GNAQ: variants seen among roughly 807,000 people sequenced by gnomAD.
The protein encoded by GNAQ is G protein subunit alpha q, also known as guanine nucleotide-binding protein G(q) subunit alpha.
Under a neutral mutation model 43.9 loss-of-function variants are expected in GNAQ, and 8 were observed. The observed-to-expected ratio is 0.18, with a 90% CI of 0.11 to 0.33. The LOEUF is 0.33. GNAQ is among the 10% of genes least tolerant of loss of function. GNAQ has a pLI of 1.00. For synonymous variants in GNAQ, 155 were observed against 170.7 expected (o/e 0.91, Z 0.71); for missense variants, 158 against 450.8 (o/e 0.35, Z 5.88).
At chr9:77,735,978 G>A (rs920456846) in intron 5 of GNAQ, among the ~76,000 whole-genome samples, 5 of 152,188 alleles carry the variant, frequency 3.3e-5, no homozygotes, top group African/African-American at 1.2e-4. Flanking sequence ...TGAGCACACA[G>A]TAGCCTTCTA....
intron 2 of GNAQ, among the ~76,000 whole-genome samples, chr9:77,839,758 G>T (rs1377450625): frequency 6.6e-6 from 1 of 152,226 alleles, no homozygotes; most frequent in Admixed American, 6.5e-5. Context: ...TTAAATTTAG[G>T]TGGGTGGAAG....
At chr9:77,938,169 G>T (rs958391464) in intron 1 of GNAQ, among the ~76,000 whole-genome samples, 1 of 152,090 alleles carries the variant, frequency 6.6e-6, no homozygotes, top group Non-Finnish European at 1.5e-5. Flanking sequence ...TAAATGCTAT[G>T]TTAATAGTTG....
At chr9:77,827,951 T>C (rs932831834) in intron 2 of GNAQ, among the ~76,000 whole-genome samples, 1 of 149,624 alleles carries the variant, frequency 6.7e-6, no homozygotes, top group African/African-American at 2.5e-5. Context: ...TCCCAGCTAC[T>C]TGGGAGGCTG....
chr9:77,766,446 A>G (rs1826137684), intron 5 of GNAQ, among the ~76,000 whole-genome samples: 1 of 152,254 alleles, frequency 6.6e-6, no homozygotes, highest in Non-Finnish European at 1.5e-5. Context: ...TACTTTTAAG[A>G]ATCCAGGAGA....
At chr9:77,732,305 CCCT>C (rs1825506046) in intron 5 of GNAQ, among the ~76,000 whole-genome samples, 1 of 152,016 alleles carries the variant, frequency 6.6e-6, no homozygotes, top group Non-Finnish European at 1.5e-5. Flanking sequence ...GGTAATCACG[CCCT>C]CTTTTTGGGG....
Position 77,843,505 on chromosome 9 carries a change from C to T in GNAQ, c.322-27735G>A, listed in dbSNP as rs143511289. Among the ~76,000 whole-genome samples the T allele has an allele frequency of 2.0e-3, 310 of 152,252 alleles. 1 individual carries two copies. Among genetic ancestry groups the T allele is most frequent in the African/African-American group, 6.9e-3 (287 of 41,544 alleles). ...GTGATGATTTATTGTTTATGGAGGG[C>T]ATGCCAGGTGTCAGTCTTCCTAGAT... is the stretch of plus-strand genomic sequence containing the variant. On this transcript the variant is annotated intron_variant, in intron 2 of 6. Coordinates refer to ENST00000286548, the MANE Select transcript of GNAQ (RefSeq NM_002072.5).
chr9:77,831,823 G>A (rs1827302357), intron 2 of GNAQ, among the ~76,000 whole-genome samples: 1 of 152,166 alleles, frequency 6.6e-6, no homozygotes, highest in African/African-American at 2.4e-5. Context: ...AAATGGATGA[G>A]CTGCAAGTAA....
intron 1 of GNAQ, among the ~76,000 whole-genome samples, chr9:78,008,393 T>A (rs1270593104): frequency 6.6e-6 from 1 of 152,136 alleles, no homozygotes; most frequent in Non-Finnish European, 1.5e-5. Context: ...GGGAGTGGGA[T>A]AAAAGGAGGG....
intron 1 of GNAQ, among the ~76,000 whole-genome samples, chr9:77,965,580 G>A (rs1431617637): frequency 6.6e-6 from 1 of 152,098 alleles, no homozygotes; most frequent in Admixed American, 6.5e-5. Context: ...TTATACAGAT[G>A]GCAAAGCACA....
At chr9:77,955,069 C>A (rs1351479087) in intron 1 of GNAQ, among the ~76,000 whole-genome samples, 1 of 152,244 alleles carries the variant, frequency 6.6e-6, no homozygotes, top group Non-Finnish European at 1.5e-5. Flanking sequence ...ACAGTTTACA[C>A]TGGCAAAGCT....
At chr9:77,935,491 T>C (rs1244129272) in intron 1 of GNAQ, among the ~76,000 whole-genome samples, 2 of 152,204 alleles carry the variant, frequency 1.3e-5, no homozygotes, top group Non-Finnish European at 1.5e-5. Context: ...ACATTTGCCA[T>C]TGGAGATAGG....
At chr9:77,942,321 G>C (rs913530984) in intron 1 of GNAQ, among the ~76,000 whole-genome samples, 2 of 152,160 alleles carry the variant, frequency 1.3e-5, no homozygotes, top group Non-Finnish European at 1.5e-5. Flanking sequence ...ATGTCAGAGA[G>C]TGGTCAAGTA....
intron 5 of GNAQ, among the ~76,000 whole-genome samples, chr9:77,746,922 T>C (rs1233880491): frequency 2.6e-5 from 4 of 152,182 alleles, no homozygotes; most frequent in Non-Finnish European, 5.9e-5. Context: ...ACTGAGAAAG[T>C]GCTCTTTAAA....
At chr9:77,847,104 G>A (rs1213235086) in intron 2 of GNAQ, among the ~76,000 whole-genome samples, 3 of 152,166 alleles carry the variant, frequency 2.0e-5, no homozygotes, top group Non-Finnish European at 2.9e-5. Context: ...ATCTTTCCCT[G>A]AGCAAATCCA....
intron 2 of GNAQ, among the ~76,000 whole-genome samples, chr9:77,894,786 A>T (rs2118125760): frequency 6.8e-6 from 1 of 148,096 alleles, no homozygotes; most frequent in Admixed American, 7.1e-5. Context: ...TATTGTTTTC[A>T]TTGATCAAGA....
chr9:77,734,734 C>T (rs1246912422), intron 5 of GNAQ, among the ~76,000 whole-genome samples: 1 of 152,100 alleles, frequency 6.6e-6, no homozygotes, highest in Non-Finnish European at 1.5e-5. Flanking sequence ...TCTGTGTTCA[C>T]GATTCTGGGA....
rs141263274 is a variant in GNAQ, at chr9:78,001,101, G to A, written c.136+29999C>T. 1.1e-3 allele frequency among the ~76,000 whole-genome samples: 170 copies of A among 152,238 alleles called. 2 individuals are homozygous for A. The highest frequency in any genetic ancestry group is 3.9e-3 in the African/African-American group (161 of 41,562). ...AAGGAACTAAGGGCCTTGGGTTTTGGTAAGAAATAGAAAGGCCAGGTACGG... is the reference window on the plus strand; with the variant it reads ...AAGGAACTAAGGGCCTTGGGTTTTGATAAGAAATAGAAAGGCCAGGTACGG... On this transcript the variant is annotated intron_variant, in intron 1 of 6. Transcript: ENST00000286548.
intron 5 of GNAQ, among the ~76,000 whole-genome samples, chr9:77,773,764 T>C (rs554911184): frequency 6.6e-6 from 1 of 152,322 alleles, no homozygotes; most frequent in African/African-American, 2.4e-5. Flanking sequence ...GATGTTACTG[T>C]AGGAGATTTA....
Position 77,927,011 on chromosome 9 carries a change from A to G in GNAQ, c.137-4666T>C, listed in dbSNP as rs1829080785. 3.9e-5 allele frequency among the ~76,000 whole-genome samples: 6 copies of G among 152,188 alleles called. No homozygotes were observed. The South Asian group carries it at 1.2e-3, about 32-fold the overall frequency. ...AGAACAAACATCAAACACAAACTCAATATACTATGATACAGTGCATCAATT... is the reference window on the plus strand; with the variant it reads ...AGAACAAACATCAAACACAAACTCAGTATACTATGATACAGTGCATCAATT... On this transcript the variant is annotated intron_variant, in intron 1 of 6. Transcript: ENST00000286548.
Sources: allele counts gnomAD v4.1 joint callset (sites outside exome capture counted in the v4.1 genomes callset), GRCh38; gene constraint gnomAD v4.1.1; transcripts MANE v1.5; gene names NCBI Gene and HGNC (gene_info 2026-07-23, HGNC 2026-07-21).